PUM2: variants seen among roughly 807,000 people sequenced by gnomAD.
The protein encoded by PUM2 is pumilio homolog 2.
A neutral mutation model predicts 124.5 loss-of-function variants in PUM2; 57 were observed. The observed-to-expected ratio is 0.46, with a 90% CI of 0.37 to 0.57. PUM2 has a LOEUF of 0.57. Ranked by LOEUF, PUM2 falls within the 20% of genes least tolerant of loss-of-function variation. The pLI, the probability that PUM2 is intolerant of heterozygous loss-of-function variation, is 0.00. For missense variants in PUM2, 1,065 were observed against 1,290.6 expected, an observed-to-expected ratio of 0.83 and a Z score of 2.68; for synonymous variants, 460 against 446.1, an observed-to-expected ratio of 1.03 and a Z score of -0.39.
intron 1 of PUM2, among the ~76,000 whole-genome samples, chr2:20,343,236 A>G (rs1687578165): frequency 6.6e-6 from 1 of 152,184 alleles, no homozygotes; most frequent in Admixed American, 6.5e-5. Context: ...AATAAAACAA[A>G]CAAAAAAATT....
chr2:20,279,590 C>T (rs1395560727), intron 12 of PUM2, among the ~76,000 whole-genome samples: 8 of 152,150 alleles, frequency 5.3e-5, no homozygotes, highest in Admixed American at 5.2e-4. Context: ...TTTGATAATA[C>T]ACAATTTCTC....
At chr2:20,306,743 G>A (rs557694476) in intron 7 of PUM2, among the ~76,000 whole-genome samples, 13 of 151,842 alleles carry the variant, frequency 8.6e-5, no homozygotes, top group African/African-American at 2.9e-4. Context: ...AAGTAGACGG[G>A]ATTACAGACC....
intron 2 of PUM2, 121 bp from the exon 3 acceptor site, chr2:20,318,766 G>C (rs1681600574): frequency 1.7e-6 from 1 of 601,378 alleles, no homozygotes; most frequent in Non-Finnish European, 2.7e-6. Flanking sequence ...AAAATTCAGA[G>C]TGACCTATTT....
At chr2:20,326,408 G>C (rs1335521940) in intron 2 of PUM2, 1 of 1,304,154 alleles carries the variant, frequency 7.7e-7, no homozygotes, top group South Asian at 1.2e-5. Context: ...GCATTGGATG[G>C]AGTGAGTCTC....
chr2:20,255,020 C>A, intron 18 of PUM2, 36 bp from the exon 19 acceptor site: 2 of 1,586,760 alleles, frequency 1.3e-6, no homozygotes, highest in South Asian at 1.1e-5. Context: ...TTCCCTAAGT[C>A]ATTCCTTAAG....
intron 10 of PUM2, among the ~76,000 whole-genome samples, chr2:20,287,410 T>C (rs919371790): frequency 1.3e-5 from 2 of 152,004 alleles, no homozygotes; most frequent in Non-Finnish European, 2.9e-5. Context: ...ATGAGAAGGA[T>C]AGTTAATCAC....
intron 13 of PUM2, among the ~76,000 whole-genome samples, chr2:20,266,402 GC>G (rs1342189788): frequency 6.6e-6 from 1 of 150,794 alleles, no homozygotes; most frequent in African/African-American, 2.4e-5. Context: ...ATGAGATTGT[GC>G]CACTGCACTC....
intron 13 of PUM2, among the ~76,000 whole-genome samples, chr2:20,265,183 C>T (rs1308124515): frequency 2.0e-5 from 3 of 150,008 alleles, no homozygotes; most frequent in South Asian, 4.2e-4. Context: ...ACCCGGGATA[C>T]GGAGGTTGCA....
At chr2:20,261,304 T>C (rs1256424061) in intron 14 of PUM2, among the ~76,000 whole-genome samples, 1 of 144,206 alleles carries the variant, frequency 6.9e-6, no homozygotes, top group Non-Finnish European at 1.5e-5. Flanking sequence ...GGCAGGAGAA[T>C]CACTTGAACC....
upstream of PUM2, chr2:20,352,252 C>G (rs907165015): frequency 7.9e-5 from 12 of 152,274 alleles, no homozygotes; most frequent in Admixed American, 7.2e-4. Context: ...CTTCCCAGGT[C>G]TGGATTTCTG....
chr2:20,288,690 G>T (rs1333161040), intron 10 of PUM2, among the ~76,000 whole-genome samples: 1 of 152,186 alleles, frequency 6.6e-6, no homozygotes, highest in African/African-American at 2.4e-5. Flanking sequence ...AAGAGCTAAA[G>T]TATGAGGCCT....
At chr2:20,336,788 GTGTGTGTGT>G (rs1686205377) in intron 1 of PUM2, among the ~76,000 whole-genome samples, 1 of 140,210 alleles carries the variant, frequency 7.1e-6, no homozygotes, top group Non-Finnish European at 1.5e-5. Context: ...GTGTGTGTGT[GTGTGTGTGT>G]GTGTGGTACA....
chr2:20,351,101 A>T (rs905563743), upstream of PUM2, among the ~76,000 whole-genome samples: 1 of 152,120 alleles, frequency 6.6e-6, no homozygotes, highest in Non-Finnish European at 1.5e-5. Context: ...CGGAGAGCGC[A>T]GGCGTACTGT....
chr2:20,330,506 TC>T (rs1194167710), intron 1 of PUM2, among the ~76,000 whole-genome samples: 2 of 152,170 alleles, frequency 1.3e-5, no homozygotes, highest in East Asian at 3.9e-4. Flanking sequence ...AGGTGAGACT[TC>T]TGCAAAATTC....
intron 13 of PUM2, among the ~76,000 whole-genome samples, chr2:20,275,621 C>T (rs1013940151): frequency 3.3e-5 from 5 of 151,990 alleles, no homozygotes; most frequent in Non-Finnish European, 5.9e-5. Context: ...ACGTGTCTCC[C>T]GATACAGTGC....
At chr2:20,343,507 C>T (rs1231170041) in intron 1 of PUM2, among the ~76,000 whole-genome samples, 1 of 152,142 alleles carries the variant, frequency 6.6e-6, no homozygotes, top group Non-Finnish European at 1.5e-5. Context: ...ACCAGTTGTG[C>T]TAGTAATTGT....
At chr2:20,326,704 A>C (rs1683761486) in intron 2 of PUM2, among the ~76,000 whole-genome samples, 1 of 152,246 alleles carries the variant, frequency 6.6e-6, no homozygotes, top group Non-Finnish European at 1.5e-5. Context: ...AAAATCCATT[A>C]AGAAATGCGA....
intron 7 of PUM2, among the ~76,000 whole-genome samples, chr2:20,299,282 G>T (rs1479797620): frequency 6.6e-6 from 1 of 152,068 alleles, no homozygotes; most frequent in Non-Finnish European, 1.5e-5. Context: ...ACACCCAGCT[G>T]GTGTCTCCTG....
chr2:20,255,608 T>A (rs1042103499), intron 17 of PUM2, among the ~76,000 whole-genome samples: 1 of 152,092 alleles, frequency 6.6e-6, no homozygotes, highest in Non-Finnish European at 1.5e-5. Flanking sequence ...TATGTAACAA[T>A]GGGAATGAAT....
Sources: allele counts gnomAD v4.1 joint callset (sites outside exome capture counted in the v4.1 genomes callset), GRCh38; gene constraint gnomAD v4.1.1; transcripts MANE v1.5; gene names NCBI Gene and HGNC (gene_info 2026-07-23, HGNC 2026-07-21).